DYNC1I1: variants seen among roughly 807,000 people sequenced by gnomAD.
The protein encoded by DYNC1I1 is dynein cytoplasmic 1 intermediate chain 1.
A neutral mutation model predicts 86.6 loss-of-function variants in DYNC1I1; 43 were observed. The observed-to-expected ratio is 0.50, with a 90% CI of 0.39 to 0.64. DYNC1I1 has a LOEUF of 0.64. DYNC1I1 is among the 30% of genes least tolerant of loss of function. The pLI is 0.00. For missense variants in DYNC1I1, 604 were observed against 788.8 expected (o/e 0.77, Z 2.81); for synonymous variants, 262 against 283.7 (o/e 0.92, Z 0.77).
At chr7:95,875,369 C>CA (rs1425831392) in intron 6 of DYNC1I1, among the ~76,000 whole-genome samples, 1 of 152,202 alleles carries the variant, frequency 6.6e-6, no homozygotes, top group Non-Finnish European at 1.5e-5. Context: ...AGAATTTACT[C>CA]ACCTTATAAA....
rs373458815 is a variant in DYNC1I1, at chr7:96,088,525, TGTTTA to T, written c.1776+8041_1776+8045del. On this transcript the variant is annotated intron_variant, in intron 16 of 16. Transcript: ENST00000447467. ...AATTTTTTTATGGCTGACAAAATTG[TGTTTA>T]GTTCTATAATTTCAAAATTGCTAAA... Among the ~76,000 whole-genome samples the T allele has an allele frequency of 4.8e-3, 725 of 152,248 alleles. 5 individuals are homozygous for T. Among genetic ancestry groups the T allele is most frequent in the Middle Eastern group, 0.014 (4 of 294 alleles).
intron 5 of DYNC1I1, among the ~76,000 whole-genome samples, chr7:95,854,903 A>G (rs779678934): frequency 7.9e-5 from 12 of 152,182 alleles, no homozygotes; most frequent in Non-Finnish European, 1.8e-4. Flanking sequence ...AGCACAATAT[A>G]AACAGTTGGC....
intron 10 of DYNC1I1, among the ~76,000 whole-genome samples, chr7:96,024,839 C>G (rs759136538): frequency 6.6e-6 from 1 of 152,076 alleles, no homozygotes; most frequent in Admixed American, 6.6e-5. Context: ...ATCATTTGCT[C>G]TTTTTATTCA....
intron 6 of DYNC1I1, among the ~76,000 whole-genome samples, chr7:95,880,810 T>C (rs1177806927): frequency 1.3e-5 from 2 of 151,998 alleles, no homozygotes; most frequent in Non-Finnish European, 1.5e-5. Context: ...CGTGCCCAGC[T>C]AATTTTTGTA....
At chr7:95,962,495 C>A (rs1181281458) in intron 6 of DYNC1I1, among the ~76,000 whole-genome samples, 1 of 152,144 alleles carries the variant, frequency 6.6e-6, no homozygotes, top group African/African-American at 2.4e-5. Context: ...TTTCTTCCTA[C>A]CTTGCACATT....
rs1468640380 is a variant in DYNC1I1, at chr7:95,939,959, C to T, written c.491-37553C>T. Among the ~76,000 whole-genome samples, 44 of 151,844 alleles carry T rather than the reference C, an allele frequency of 2.9e-4. No individual in the cohort carries two copies. In the East Asian group the frequency reaches 6.4e-3, roughly 22 times the overall value. On this transcript the variant is annotated intron_variant, in intron 6 of 16. Coordinates refer to ENST00000447467, the MANE Select transcript of DYNC1I1 (RefSeq NM_001135556.2). ...ACCAATTGTTCCTTTCCATGTTTAG[C>T]GCTTCCTTCAGGAGCTCTTTTAGGG...
At chr7:96,082,073 T>A (rs1410131625) in intron 16 of DYNC1I1, among the ~76,000 whole-genome samples, 1 of 152,184 alleles carries the variant, frequency 6.6e-6, no homozygotes, top group Admixed American at 6.5e-5. Flanking sequence ...ACTATTGATA[T>A]AGTCTGGAGT....
chr7:95,888,981 C>T (rs934109233), intron 6 of DYNC1I1, among the ~76,000 whole-genome samples: 1 of 152,222 alleles, frequency 6.6e-6, no homozygotes, highest in African/African-American at 2.4e-5. Flanking sequence ...AATCTCCTTT[C>T]AAGGAATGAG....
chr7:95,990,640 A>G (rs1264595333), intron 9 of DYNC1I1, among the ~76,000 whole-genome samples: 1 of 152,128 alleles, frequency 6.6e-6, no homozygotes, highest in African/African-American at 2.4e-5. Flanking sequence ...CAAATTGCCT[A>G]ACTTCTCTTG....
rs1554416585 is a variant in DYNC1I1 at position 95,943,520 on chromosome 7, G to GC, written c.491-33992_491-33991insC. Among the ~76,000 whole-genome samples, 6 of 110,884 alleles carry GC rather than the reference G, an allele frequency of 5.4e-5. 1 individual carries two copies. Among genetic ancestry groups the GC allele is most frequent in the Non-Finnish European group, 2.0e-5 (1 of 50,978 alleles). The allele number at this position is 110,884 out of a possible 152,430, so 72.7% of individuals were successfully genotyped here. A position where few individuals can be genotyped will look rare whatever the true frequency, so the allele number is the denominator to read the frequency against. On this transcript the variant is annotated intron_variant, in intron 6 of 16. Coordinates refer to ENST00000447467, the MANE Select transcript of DYNC1I1 (RefSeq NM_001135556.2). ...CCTTCCTTCACAGAATTGGAAAAAA[G>GC]TACTTTAAAGTTCATATGGAACCAA...
Position 95,837,953 on chromosome 7 carries a change from TA to T in DYNC1I1, c.374+9838del, listed in dbSNP as rs202182636. Among the ~76,000 whole-genome samples the T allele has an allele frequency of 1.4e-4, 21 of 152,332 alleles. No homozygotes were observed. In the East Asian group the frequency reaches 3.5e-3, roughly 25 times the overall value. On this transcript the variant is annotated intron_variant, in intron 5 of 16. Coordinates refer to ENST00000447467, the MANE Select transcript of DYNC1I1 (RefSeq NM_001135556.2). ...TCTGCGTCGCTCACGCTGGGAACTGTAGACCAGAGCTGTTCCTATTCGGCCA... is the reference window on the plus strand; with the variant it reads ...TCTGCGTCGCTCACGCTGGGAACTGTGACCAGAGCTGTTCCTATTCGGCCA...
chr7:95,956,245 G>A lies in DYNC1I1; in HGVS notation c.491-21267G>A, dbSNP rs147916175. On this transcript the variant is annotated intron_variant, in intron 6 of 16. Coordinates refer to ENST00000447467, the MANE Select transcript of DYNC1I1 (RefSeq NM_001135556.2). ...TGTGGAGTTGCTACATAAATAATAC[G>A]TAGTATTAAGTGCTTATTTGCTAGC... Among the ~76,000 whole-genome samples the A allele has an allele frequency of 2.5e-3, 377 of 152,026 alleles. 2 individuals are homozygous for A. The highest frequency in any genetic ancestry group is 0.015 in the East Asian group (77 of 5,150).
intron 5 of DYNC1I1, among the ~76,000 whole-genome samples, chr7:95,838,127 C>A (rs1373737743): frequency 6.6e-6 from 1 of 152,164 alleles, no homozygotes; most frequent in Non-Finnish European, 1.5e-5. Flanking sequence ...TCGAAAATCT[C>A]ATTTCTTACA....
At chr7:95,984,381 G>T (rs1029411088) in intron 7 of DYNC1I1, among the ~76,000 whole-genome samples, 2 of 152,000 alleles carry the variant, frequency 1.3e-5, no homozygotes, top group Non-Finnish European at 2.9e-5. Flanking sequence ...GTACTATGAG[G>T]ATCATATTAT....
chr7:96,065,390 T>TG (rs997512399), intron 14 of DYNC1I1, among the ~76,000 whole-genome samples: 144 of 149,776 alleles, frequency 9.6e-4, no homozygotes, highest in Middle Eastern at 3.4e-3. Context: ...TTTTTTTTTT[T>TG]TTTTTGAGAC....
chr7:95,972,497 CT>C (rs1480645330), intron 6 of DYNC1I1, among the ~76,000 whole-genome samples: 3 of 152,056 alleles, frequency 2.0e-5, no homozygotes, highest in East Asian at 3.8e-4. Context: ...CTCTTTCCCC[CT>C]GGGCTTCGAG....
intron 6 of DYNC1I1, among the ~76,000 whole-genome samples, chr7:95,906,281 A>G (rs1428503486): frequency 6.6e-6 from 1 of 152,194 alleles, no homozygotes; most frequent in Non-Finnish European, 1.5e-5. Context: ...TGGGCAAGTT[A>G]CTTAATCCCC....
At chr7:96,010,945 A>G (rs7780260) in intron 10 of DYNC1I1, among the ~76,000 whole-genome samples, 7,673 of 152,322 alleles carry the variant, frequency 0.05, 297 homozygotes, top group South Asian at 0.18. Context: ...AGCTACAGCC[A>G]TTATCTACAT....
chr7:95,808,197 C>A (rs1794746265), intron 2 of DYNC1I1, among the ~76,000 whole-genome samples: 1 of 152,056 alleles, frequency 6.6e-6, no homozygotes, highest in South Asian at 2.1e-4. Context: ...TATAGAGAAT[C>A]AGAAATAGCT....
Sources: allele counts gnomAD v4.1 joint callset (sites outside exome capture counted in the v4.1 genomes callset), GRCh38; gene constraint gnomAD v4.1.1; transcripts MANE v1.5; gene names NCBI Gene and HGNC (gene_info 2026-07-23, HGNC 2026-07-21).